ARHGAP28: variants seen among roughly 807,000 people sequenced by gnomAD.
The protein encoded by ARHGAP28 is rho GTPase-activating protein 28.
A neutral mutation model predicts 90.7 loss-of-function variants in ARHGAP28; 56 were observed. The observed-to-expected ratio is 0.62, with a 90% CI of 0.50 to 0.77. ARHGAP28 has a LOEUF of 0.77. ARHGAP28 is among the 30% of genes least tolerant of loss of function. The probability of loss-of-function intolerance (pLI) is 0.00; values close to 1 mark genes in which losing one functional copy is unlikely to be tolerated. For synonymous variants in ARHGAP28, 308 were observed against 323.3 expected (o/e 0.95, Z 0.51); for missense variants, 869 against 900.9 (o/e 0.96, Z 0.45).
chr18:6,842,221 C>A (rs1044140499), intron 3 of ARHGAP28, among the ~76,000 whole-genome samples: 4 of 152,044 alleles, frequency 2.6e-5, no homozygotes, highest in Non-Finnish European at 5.9e-5. Flanking sequence ...GTTGCGGTGG[C>A]ACGTACCTGC....
intron 17 of ARHGAP28, among the ~76,000 whole-genome samples, chr18:6,910,684 C>A (rs964773798): frequency 1.3e-5 from 2 of 152,048 alleles, no homozygotes; most frequent in Admixed American, 6.6e-5. Flanking sequence ...TACTTGATAT[C>A]ATGTTTGTTT....
rs1447195233 is a variant in ARHGAP28, at chr18:6,762,199, C to T, written c.122+32256C>T. Among the ~76,000 whole-genome samples, 6 of 152,186 alleles carry T rather than the reference C, an allele frequency of 3.9e-5. No individual in the cohort carries two copies. The South Asian group carries it at 6.2e-4, about 16-fold the overall frequency. ...TTACTTCAGATGCCTCCCAGGTGCA[C>T]CTCCTGCTCCAAAGGTTTCTTATAA... On this transcript the variant is annotated intron_variant, in intron 1 of 17. Coordinates refer to ENST00000383472, the MANE Select transcript of ARHGAP28 (RefSeq NM_001366230.1).
At chr18:6,796,366 T>C (rs2056441783) in intron 1 of ARHGAP28, among the ~76,000 whole-genome samples, 1 of 152,004 alleles carries the variant, frequency 6.6e-6, no homozygotes, top group African/African-American at 2.4e-5. Flanking sequence ...CTCACCTGCC[T>C]CCCCCGAGCA....
chr18:6,836,755 G>A (rs767650556), intron 2 of ARHGAP28, among the ~76,000 whole-genome samples: 1 of 152,168 alleles, frequency 6.6e-6, no homozygotes, highest in African/African-American at 2.4e-5. Context: ...AGGACACTGA[G>A]GCCTCGAGAT....
chr18:6,753,622 G>T (rs566397708), intron 1 of ARHGAP28, among the ~76,000 whole-genome samples: 152 of 152,286 alleles, frequency 1.0e-3, no homozygotes, highest in African/African-American at 3.6e-3. Flanking sequence ...TTAATAAAGT[G>T]GGTATTTTCC....
At position 6,837,805 on chromosome 18, in the gene ARHGAP28, G is replaced by A. The variant is rs549016675; in HGVS notation, c.543+391G>A. Reference sequence around the variant, plus strand: ...ACCAGGTGGTTTGGTTGAATGGGGGGTGGGGATGAGAGATTGGGTAGGGTA... The same window carrying A: ...ACCAGGTGGTTTGGTTGAATGGGGGATGGGGATGAGAGATTGGGTAGGGTA... On this transcript the variant is annotated intron_variant, in intron 3 of 17. Coordinates refer to ENST00000383472, the MANE Select transcript of ARHGAP28 (RefSeq NM_001366230.1). Among the ~76,000 whole-genome samples, 6 of 152,174 alleles carry A rather than the reference G, an allele frequency of 3.9e-5. No homozygotes were observed. The South Asian group carries it at 6.2e-4, about 16-fold the overall frequency.
chr18:6,744,553 C>T (rs2056006092), intron 1 of ARHGAP28, among the ~76,000 whole-genome samples: 1 of 152,124 alleles, frequency 6.6e-6, no homozygotes, highest in Admixed American at 6.5e-5. Flanking sequence ...CCTTTCTCCC[C>T]TCTCATTGAA....
chr18:6,789,639 A>C (rs563199800), intron 1 of ARHGAP28: 1 of 152,162 alleles, frequency 6.6e-6, no homozygotes, highest in Non-Finnish European at 1.5e-5. Context: ...CTAACAATTC[A>C]TACTGGTCGT....
chr18:6,785,929 CTTT>C (rs907064874), intron 1 of ARHGAP28, among the ~76,000 whole-genome samples: 1 of 152,124 alleles, frequency 6.6e-6, no homozygotes, highest in Admixed American at 6.5e-5. Context: ...TTTCATGAAA[CTTT>C]TGTTACATGT....
intron 5 of ARHGAP28, among the ~76,000 whole-genome samples, chr18:6,865,937 A>C (rs974311797): frequency 6.6e-6 from 1 of 152,168 alleles, no homozygotes; most frequent in African/African-American, 2.4e-5. Flanking sequence ...GGGCTCAGTT[A>C]TGAACAAGCT....
intron 5 of ARHGAP28, among the ~76,000 whole-genome samples, chr18:6,863,379 G>A (rs2057013105): frequency 6.6e-6 from 1 of 151,490 alleles, no homozygotes; most frequent in Non-Finnish European, 1.5e-5. Context: ...AAGTTACATT[G>A]ATAGGTTTTT....
At chr18:6,774,311 G>A (rs1396667138) in intron 1 of ARHGAP28, 1 of 152,192 alleles carries the variant, frequency 6.6e-6, no homozygotes, top group Non-Finnish European at 1.5e-5. Flanking sequence ...TTATGTAAAA[G>A]AGAAAGGAAG....
At chr18:6,747,087 T>TA (rs1423189128) in intron 1 of ARHGAP28, among the ~76,000 whole-genome samples, 3 of 141,322 alleles carry the variant, frequency 2.1e-5, no homozygotes, top group African/African-American at 7.7e-5. Context: ...TTTTTTTTTT[T>TA]AGCAAACATT....
intron 1 of ARHGAP28, among the ~76,000 whole-genome samples, chr18:6,773,179 G>T (rs538721916): frequency 3.3e-5 from 5 of 152,300 alleles, no homozygotes; most frequent in Admixed American, 3.3e-4. Context: ...TTTATTGTAT[G>T]TTAATGTATG....
chr18:6,819,024 A>G (rs2056609719), intron 1 of ARHGAP28, among the ~76,000 whole-genome samples: 1 of 152,220 alleles, frequency 6.6e-6, no homozygotes, highest in Non-Finnish European at 1.5e-5. Flanking sequence ...CGTGGGGTGC[A>G]TATAAGGATC....
chr18:6,830,521 C>A (rs1249278187), intron 2 of ARHGAP28, among the ~76,000 whole-genome samples: 1 of 152,086 alleles, frequency 6.6e-6, no homozygotes, highest in Non-Finnish European at 1.5e-5. Flanking sequence ...CTCCCTGTGT[C>A]CATGTATTCT....
At chr18:6,834,881 GGA>G (rs2056741720) in intron 2 of ARHGAP28, among the ~76,000 whole-genome samples, 2 of 152,126 alleles carry the variant, frequency 1.3e-5, no homozygotes. Flanking sequence ...GTTGAAATAC[GGA>G]ATCCTGAAAG....
chr18:6,881,574 A>G (rs1344343125), intron 10 of ARHGAP28, among the ~76,000 whole-genome samples: 1 of 152,240 alleles, frequency 6.6e-6, no homozygotes, highest in Non-Finnish European at 1.5e-5. Flanking sequence ...GCAAGCATGC[A>G]AACATGTGGA....
At chr18:6,786,938 G>A (rs991568003) in intron 1 of ARHGAP28, among the ~76,000 whole-genome samples, 3 of 151,976 alleles carry the variant, frequency 2.0e-5, no homozygotes, top group African/African-American at 7.2e-5. Flanking sequence ...TGAAGTTGGG[G>A]CCGCGCGCGG....
Sources: allele counts gnomAD v4.1 joint callset (sites outside exome capture counted in the v4.1 genomes callset), GRCh38; gene constraint gnomAD v4.1.1; transcripts MANE v1.5; gene names NCBI Gene and HGNC (gene_info 2026-07-23, HGNC 2026-07-21).